GLIS3: variants seen among roughly 807,000 people sequenced by gnomAD.
The protein encoded by GLIS3 is GLIS family zinc finger 3.
A neutral mutation model predicts 78.6 loss-of-function variants in GLIS3; 53 were observed. The observed-to-expected ratio is 0.67, with a 90% confidence interval of 0.54 to 0.85. The LOEUF (loss-of-function observed/expected upper bound fraction) is 0.85. GLIS3 is among the 40% of genes least tolerant of loss of function. The pLI is 0.00. For synonymous variants in GLIS3, 684 were observed against 509.9 expected, an observed-to-expected ratio of 1.34 and a Z score of -4.60; for missense variants, 1,703 against 1,231.1, an observed-to-expected ratio of 1.38 and a Z score of -5.74.
At chr9:3,908,623 G>A (rs1260991135) in intron 6 of GLIS3, among the ~76,000 whole-genome samples, 3 of 150,582 alleles carry the variant, frequency 2.0e-5, no homozygotes, top group Admixed American at 6.6e-5. Flanking sequence ...ACTGCATGCC[G>A]AAATTTGAGC....
At chr9:4,335,636 A>G (rs976495026) in intron 2 of GLIS3, among the ~76,000 whole-genome samples, 1 of 152,194 alleles carries the variant, frequency 6.6e-6, no homozygotes, top group Non-Finnish European at 1.5e-5. Context: ...TACCCTAAGT[A>G]GCCCGGGGTT....
At chr9:3,945,836 A>G (rs1442149489) in intron 4 of GLIS3, among the ~76,000 whole-genome samples, 1 of 152,176 alleles carries the variant, frequency 6.6e-6, no homozygotes, top group Admixed American at 6.5e-5. Context: ...AACAAAAAAA[A>G]CAGAGAGAAA....
chr9:3,946,033 A>ACTAC (rs1816275497), intron 4 of GLIS3, among the ~76,000 whole-genome samples: 1 of 152,136 alleles, frequency 6.6e-6, no homozygotes, highest in African/African-American at 2.4e-5. Flanking sequence ...CTTTGCATAT[A>ACTAC]CTACTTCCTG....
rs1817688618 is a variant in GLIS3, at chr9:3,825,686, A to G, written c.*2586T>C. On this transcript the variant is annotated 3_prime_UTR_variant, in exon 11 of 11. Transcript: ENST00000381971. Reference sequence around the variant, plus strand: ...TGCAGTGTGAAAGTAAGCAAGGGACAAATTTTAAGGTCAGGAAAGACTCTC... The same window carrying G: ...TGCAGTGTGAAAGTAAGCAAGGGACGAATTTTAAGGTCAGGAAAGACTCTC... The G allele has an allele frequency of 6.6e-6, 1 of 152,240 alleles. No homozygotes were observed. The highest frequency in any genetic ancestry group is 2.4e-5 in the African/African-American group (1 of 41,468). 9.4% of individuals were successfully genotyped at this position (152,240 alleles called of 1,614,324 possible). A position where few individuals can be genotyped will look rare whatever the true frequency, so the allele number is the denominator to read the frequency against.
Position 3,828,507 on chromosome 9 carries a change from G to A in GLIS3, c.2657-99C>T, listed in dbSNP as rs182530598. On this transcript the variant is annotated intron_variant, in intron 10 of 10. Transcript: ENST00000381971. ...ATGCAGCTCACCAAGTGAGGACTGG[G>A]GGCTAAGGAGGCAACCATGCCAGCC... 2,388 of 1,477,464 alleles carry A rather than the reference G, an allele frequency of 1.6e-3. 83 individuals carry two copies. In the Admixed American group the frequency reaches 0.04, roughly 25 times the overall value. The allele number at this position is 1,477,464 out of a possible 1,614,324, so 91.5% of individuals were successfully genotyped here.
intron 2 of GLIS3, among the ~76,000 whole-genome samples, chr9:4,231,621 A>G (rs1822261823): frequency 6.6e-6 from 1 of 152,240 alleles, no homozygotes; most frequent in South Asian, 2.1e-4. Context: ...AACAACAATT[A>G]GATGCTTAGG....
At chr9:4,208,163 A>G (rs191073993) in intron 2 of GLIS3, among the ~76,000 whole-genome samples, 2 of 152,218 alleles carry the variant, frequency 1.3e-5, no homozygotes, top group Non-Finnish European at 2.9e-5. Context: ...GACAAAGCAG[A>G]TTCTTGCCAC....
chr9:4,414,687 C>T, the GLIS3 span, among the ~76,000 whole-genome samples: 2 of 152,060 alleles, frequency 1.3e-5, no homozygotes, highest in African/African-American at 4.8e-5. Flanking sequence ...TCCTCCTAGC[C>T]CATCTGTGCA....
intron 2 of GLIS3, among the ~76,000 whole-genome samples, chr9:4,203,756 C>G (rs1230002447): frequency 6.6e-6 from 1 of 152,166 alleles, no homozygotes; most frequent in East Asian, 1.9e-4. Flanking sequence ...TACATATACA[C>G]TATGGAATAG....
At chr9:4,190,958 A>G (rs1246399928) in intron 2 of GLIS3, among the ~76,000 whole-genome samples, 5 of 152,118 alleles carry the variant, frequency 3.3e-5, no homozygotes, top group African/African-American at 9.7e-5. Flanking sequence ...AGGAGAAATA[A>G]AATACTTTAC....
the GLIS3 span, among the ~76,000 whole-genome samples, chr9:4,377,528 C>T: frequency 8.1e-6 from 1 of 123,362 alleles, no homozygotes; most frequent in African/African-American, 2.7e-5. Flanking sequence ...ACCTTGTGAT[C>T]CTGTGAGCCA....
chr9:4,432,129 A>C, the GLIS3 span, among the ~76,000 whole-genome samples: 1 of 152,208 alleles, frequency 6.6e-6, no homozygotes, highest in East Asian at 1.9e-4. Flanking sequence ...GAAGAGGCAC[A>C]TCTGAAATGC....
intron 2 of GLIS3, among the ~76,000 whole-genome samples, chr9:4,240,594 C>T (rs1438175477): frequency 6.6e-5 from 10 of 152,104 alleles, no homozygotes; most frequent in African/African-American, 2.4e-4. Context: ...ACTTTATCTT[C>T]TTCACATAAT....
intron 4 of GLIS3, among the ~76,000 whole-genome samples, chr9:3,952,046 C>T (rs528197613): frequency 1.3e-5 from 2 of 151,952 alleles, no homozygotes; most frequent in East Asian, 1.9e-4. Flanking sequence ...GCCACAGGTA[C>T]CCCCAGGCCA....
At chr9:4,307,230 G>A (rs1776023758) in intron 4 of GLIS3, among the ~76,000 whole-genome samples, 1 of 152,158 alleles carries the variant, frequency 6.6e-6, no homozygotes, top group African/African-American at 2.4e-5. Context: ...CACACTCTTA[G>A]CTGTAACACT....
At chr9:3,894,229 C>A (rs1358499460) in intron 7 of GLIS3, among the ~76,000 whole-genome samples, 1 of 152,152 alleles carries the variant, frequency 6.6e-6, no homozygotes. Flanking sequence ...TTTTATAATG[C>A]TCTATGTCTT....
chr9:4,362,222 C>T, the GLIS3 span, among the ~76,000 whole-genome samples: 1 of 152,274 alleles, frequency 6.6e-6, no homozygotes, highest in East Asian at 1.9e-4. Flanking sequence ...TTTTTAAATG[C>T]ATTTTTGCTA....
chr9:4,230,085 C>T (rs1400429383), intron 2 of GLIS3, among the ~76,000 whole-genome samples: 1 of 152,176 alleles, frequency 6.6e-6, no homozygotes, highest in African/African-American at 2.4e-5. Flanking sequence ...GAAAGGCCGA[C>T]GGGCCAAGTG....
intron 2 of GLIS3, among the ~76,000 whole-genome samples, chr9:4,274,154 G>C (rs564580312): frequency 6.6e-6 from 1 of 152,136 alleles, no homozygotes; most frequent in African/African-American, 2.4e-5. Context: ...GGTAAAGCCT[G>C]AACTGGACAA....
Sources: allele counts gnomAD v4.1 joint callset (sites outside exome capture counted in the v4.1 genomes callset), GRCh38; gene constraint gnomAD v4.1.1; transcripts MANE v1.5; gene names NCBI Gene and HGNC (gene_info 2026-07-23, HGNC 2026-07-21).